CDC42BPB: variants seen among roughly 807,000 people sequenced by gnomAD.
CDC42BPB encodes the protein CDC42 binding protein kinase beta.
Under a neutral mutation model 214.9 loss-of-function variants are expected in CDC42BPB, and 37 were observed. That is an observed-to-expected ratio of 0.17 (90% CI 0.13 to 0.23). The LOEUF is 0.23. Among genes scored for constraint, CDC42BPB ranks in the 10% least tolerant of loss-of-function variants. The pLI is 1.00. For missense variants in CDC42BPB, 1,694 were observed against 2,227.0 expected (o/e 0.76, Z 4.82); for synonymous variants, 931 against 884.0 (o/e 1.05, Z -0.94).
intron 1 of CDC42BPB, among the ~76,000 whole-genome samples, chr14:103,035,256 C>T (rs1026420386): frequency 3.3e-5 from 5 of 152,090 alleles, no homozygotes; most frequent in African/African-American, 1.2e-4. Context: ...GGGGTTTCTC[C>T]TTGTCGGTCA....
In CDC42BPB at chr14:103,001,729, C is replaced by T. The variant is rs1894994547; in HGVS notation, c.448-2016G>A. 6.6e-6 allele frequency among the ~76,000 whole-genome samples: 1 copy of T among 152,182 alleles called. No individual in the cohort carries two copies. Among genetic ancestry groups the T allele is most frequent in the Non-Finnish European group, 1.5e-5 (1 of 68,042 alleles). ...GGCAGCTGACGGACACACACGGGGC[C>T]AGGGGAGATGCGGTGAACGAACGGC... On this transcript the variant is annotated intron_variant, in intron 4 of 36. Transcript: ENST00000361246. The surrounding 1 kb of genome is among the most constrained non-coding windows in gnomAD (Gnocchi z 5.8).
intron 5 of CDC42BPB, among the ~76,000 whole-genome samples, chr14:102,992,745 A>T (rs1369086333): frequency 6.7e-6 from 1 of 149,902 alleles, no homozygotes; most frequent in Non-Finnish European, 1.5e-5. Context: ...ATATACATAT[A>T]TTCAAAAATA....
intron 34 of CDC42BPB, chr14:102,938,613 C>T: frequency 8.5e-6 from 8 of 942,032 alleles, no homozygotes; most frequent in Non-Finnish European, 1.0e-5. Context: ...AGGTCAAATC[C>T]TATAAAAAGC....
At chr14:102,970,637 A>G (rs1595479451) in intron 13 of CDC42BPB, among the ~76,000 whole-genome samples, 1 of 152,122 alleles carries the variant, frequency 6.6e-6, no homozygotes, top group African/African-American at 2.4e-5. Context: ...TAGCGAACAC[A>G]CGTGCCGGCA....
In CDC42BPB at chr14:102,968,501, T is replaced by G. The variant is rs768243510; in HGVS notation, c.2211A>C (p.Lys737Asn). ...LALQKEILML[K>N]DKLEKSKRER... ...CTCGCTTTGACTTTTCTAACTTATC[T>G]TTTAACATCAAGATTTCTTTCTGCA... is the stretch of plus-strand genomic sequence containing the variant. The change falls in exon 15 of 37, where the codon AAA becomes AAC. Residue 737 changes from lysine to asparagine, a missense_variant. Lys to Asn is a moderately conservative substitution (Grantham distance 94). Transcript: ENST00000361246. The G allele has an allele frequency of 9.3e-6, 15 of 1,614,194 alleles. No individual in the cohort carries two copies. The South Asian group carries it at 1.6e-4, about 18-fold the overall frequency.
At chr14:103,038,004 G>C (rs2139733211) in intron 1 of CDC42BPB, among the ~76,000 whole-genome samples, 1 of 149,942 alleles carries the variant, frequency 6.7e-6, no homozygotes, top group Admixed American at 6.7e-5. Flanking sequence ...CCTCCAGCCT[G>C]GGCAACAGAG....
chr14:102,978,458 C>T (rs35706185), intron 8 of CDC42BPB: 16 of 369,846 alleles, frequency 4.3e-5, no homozygotes, highest in Admixed American at 2.6e-4. Context: ...GACAGTGGCA[C>T]AGGCCGTCAC....
chr14:103,057,058 G>T lies in CDC42BPB; in HGVS notation c.116C>A (p.Thr39Asn), dbSNP rs759838637. ...GCGCAGGGCCGAGTGGCTGCACTCG[G>T]TGTACAGGCAGACGAGCACGTCGAG... ...TLLDVLVCLYTECSHSALRRD... is the reference protein window; with the variant it reads ...TLLDVLVCLYNECSHSALRRD... Residue 39 changes from threonine to asparagine, a missense_variant, in exon 1 of 37, where the codon ACC becomes AAC. Coordinates refer to ENST00000361246, the MANE Select transcript of CDC42BPB (RefSeq NM_006035.4). The T allele has an allele frequency of 1.3e-6, 2 of 1,524,406 alleles. No individual in the cohort carries two copies. Among genetic ancestry groups the T allele is most frequent in the African/African-American group, 1.4e-5 (1 of 70,406 alleles). 94.4% of individuals were successfully genotyped at this position (1,524,406 alleles called of 1,614,324 possible). A position where few individuals can be genotyped will look rare whatever the true frequency, so the allele number is the denominator to read the frequency against.
At chr14:102,997,905 G>A (rs557111222) in intron 5 of CDC42BPB, among the ~76,000 whole-genome samples, 1 of 152,320 alleles carries the variant, frequency 6.6e-6, no homozygotes, top group Admixed American at 6.5e-5. Flanking sequence ...AGCACTTTGG[G>A]AGGCCGAGAT....
In CDC42BPB at chr14:102,938,554, G is replaced by A. The variant is rs181979534; in HGVS notation, c.4828-143C>T. ...CAAGAGGGCTCTCTGGATTGGACAA[G>A]GGTTCTGGACAGTCTGGAACTAAGA... On this transcript the variant is annotated intron_variant, in intron 34 of 36. Transcript: ENST00000361246. 3.6e-4 allele frequency: 510 copies of A among 1,426,250 alleles called. 1 individual carries two copies. The African/African-American group carries it at 6.0e-3, about 17-fold the overall frequency. 88.3% of individuals were successfully genotyped at this position (1,426,250 alleles called of 1,614,324 possible).
intron 34 of CDC42BPB, 96 bp downstream of exon 34, chr14:102,939,514 G>C: frequency 1.1e-6 from 1 of 871,382 alleles, no homozygotes; most frequent in Admixed American, 1.9e-5. Flanking sequence ...CAGCCTCGCA[G>C]GCACTGCCTT....
At chr14:103,005,094 G>A (rs1318008098) in intron 3 of CDC42BPB, among the ~76,000 whole-genome samples, 2 of 151,796 alleles carry the variant, frequency 1.3e-5, no homozygotes, top group Non-Finnish European at 2.9e-5. Flanking sequence ...CATGAACCCA[G>A]GAGGCGGAGC....
intron 36 of CDC42BPB, among the ~76,000 whole-genome samples, chr14:102,936,281 C>T (rs1891644068): frequency 6.6e-6 from 1 of 152,212 alleles, no homozygotes; most frequent in South Asian, 2.1e-4. Flanking sequence ...GGCACTCAAA[C>T]ACATATGTGC....
In CDC42BPB at chr14:102,944,173, C is replaced by T. The variant is rs774671721; in HGVS notation, c.4126G>A (p.Val1376Met). ...TCCCTGAGCACCGCCAGGCACTGCA[C>T]GCTGCCGGGAGCCACAATCTCATTG... ...KFNEIVAPGS[V>M]QCLAVLRDRL... Residue 1376 changes from valine (V) to methionine (M), a missense_variant, in exon 30 of 37, where the codon GTG becomes ATG. Physicochemically the swap from Val to Met is conservative, Grantham distance 21. Around this residue, in one of 7 missense-constraint regions of CDC42BPB, gnomAD observed 567 missense variants for 790.3 expected, o/e 0.72. Coordinates refer to ENST00000361246, the MANE Select transcript of CDC42BPB (RefSeq NM_006035.4). The surrounding 1 kb of genome is among the most constrained non-coding windows in gnomAD (Gnocchi z 6.6). 3.7e-6 allele frequency: 6 copies of T among 1,613,248 alleles called. No individual in the cohort carries two copies. Among genetic ancestry groups the T allele is most frequent in the South Asian group, 1.1e-5 (1 of 91,080 alleles).
chr14:102,995,320 G>A (rs993518925), intron 5 of CDC42BPB, among the ~76,000 whole-genome samples: 1 of 152,110 alleles, frequency 6.6e-6, no homozygotes, highest in Non-Finnish European at 1.5e-5. Flanking sequence ...GAGTACAGGT[G>A]CTCATCACTA....
In CDC42BPB at chr14:102,943,842, C is replaced by G; in HGVS notation, c.4408+49G>C. 6.6e-7 allele frequency: 1 copy of G among 1,514,998 alleles called. No homozygotes were observed. Among genetic ancestry groups the G allele is most frequent in the Non-Finnish European group, 8.9e-7 (1 of 1,121,778 alleles). 93.8% of individuals were successfully genotyped at this position (1,514,998 alleles called of 1,614,324 possible). ...GCAAAATCGAACACATGCTGACTGT[C>G]GGTGGGAAAAGCAGCAACAGGGATA... On this transcript the variant is annotated intron_variant, in intron 30 of 36. Coordinates refer to ENST00000361246, the MANE Select transcript of CDC42BPB (RefSeq NM_006035.4). This position sits in a 1 kb window ranked among gnomAD's most constrained non-coding sequence, Gnocchi z 4.6.
At chr14:102,978,577 G>A (rs544546107) in intron 8 of CDC42BPB, among the ~76,000 whole-genome samples, 2 of 152,364 alleles carry the variant, frequency 1.3e-5, no homozygotes, top group Non-Finnish European at 2.9e-5. Flanking sequence ...GAGGACCCCG[G>A]ACAGAGCCTG....
chr14:102,934,058 T>C, intron 36 of CDC42BPB: 1 of 1,315,282 alleles, frequency 7.6e-7, no homozygotes, highest in Non-Finnish European at 9.7e-7. Context: ...CACTCAAAAA[T>C]AACATGGTAA....
At position 102,967,031 on chromosome 14, in the gene CDC42BPB, G is replaced by A; in HGVS notation, c.2471+15C>T. On this transcript the variant is annotated intron_variant, in intron 17 of 36. Coordinates refer to ENST00000361246, the MANE Select transcript of CDC42BPB (RefSeq NM_006035.4). ...GGGAGCGGATTCACGGCCGCTAATGGGGCCGCGCACGTACCACTGAATGAT... is the reference window on the plus strand; with the variant it reads ...GGGAGCGGATTCACGGCCGCTAATGAGGCCGCGCACGTACCACTGAATGAT... 1.2e-6 allele frequency: 2 copies of A among 1,611,924 alleles called. No individual in the cohort carries two copies. The highest frequency in any genetic ancestry group is 1.7e-6 in the Non-Finnish European group (2 of 1,179,050).
Sources: allele counts gnomAD v4.1 joint callset (sites outside exome capture counted in the v4.1 genomes callset), GRCh38; gene constraint gnomAD v4.1.1; regional missense constraint gnomAD v4.1.1; non-coding constraint Gnocchi (gnomAD v3.1); transcripts MANE v1.5; gene names NCBI Gene and HGNC (gene_info 2026-07-23, HGNC 2026-07-21).